Variants in RABIF observed in about 807,000 individuals in gnomAD.
The protein encoded by RABIF is RAB interacting factor.
A neutral mutation model predicts 12.3 loss-of-function variants in RABIF; 13 were observed. That is an observed-to-expected ratio of 1.06 (90% CI 0.69 to 1.68). The LOEUF (loss-of-function observed/expected upper bound fraction) is 1.68. Among genes scored for constraint, RABIF ranks in the 40% most tolerant of loss-of-function variants. RABIF has a pLI of 0.00. For missense variants in RABIF, 153 were observed against 158.0 expected (o/e 0.97, Z 0.17); for synonymous variants, 70 against 63.3 (o/e 1.11, Z -0.50).
intron 1 of RABIF, among the ~76,000 whole-genome samples, chr1:202,882,030 T>C (rs1659498239): frequency 6.6e-6 from 1 of 152,242 alleles, no homozygotes; most frequent in East Asian, 1.9e-4. Context: ...ATATTTTAAA[T>C]GCACATTAGC....
intron 1 of RABIF, among the ~76,000 whole-genome samples, chr1:202,887,033 T>G (rs554083906): frequency 6.0e-5 from 9 of 151,242 alleles, no homozygotes; most frequent in East Asian, 3.9e-4. Context: ...TGTTTTGTTT[T>G]TTTTTTTTTT....
At chr1:202,881,765 A>G (rs1659495247) in intron 1 of RABIF, among the ~76,000 whole-genome samples, 1 of 152,188 alleles carries the variant, frequency 6.6e-6, no homozygotes, top group Non-Finnish European at 1.5e-5. Flanking sequence ...GCTGTCCTCA[A>G]CATGGGCCCC....
In RABIF at chr1:202,880,663, G is replaced by A; in HGVS notation, c.*315C>T. ...GCTCTTCTAGAGCAAGAAAAAGCGGGAGCCCCTGGGCAAAACAGAGCCTAG... is the reference window on the plus strand; with the variant it reads ...GCTCTTCTAGAGCAAGAAAAAGCGGAAGCCCCTGGGCAAAACAGAGCCTAG... On this transcript the variant is annotated 3_prime_UTR_variant, in exon 2 of 2. Coordinates refer to ENST00000367262, the MANE Select transcript of RABIF (RefSeq NM_002871.5). 1 of 1,054,816 alleles carries A rather than the reference G, an allele frequency of 9.5e-7. No individual in the cohort carries two copies. Among genetic ancestry groups the A allele is most frequent in the Non-Finnish European group, 1.2e-6 (1 of 866,596 alleles). The allele number at this position is 1,054,816 out of a possible 1,614,324, so 65.3% of individuals were successfully genotyped here. A position where few individuals can be genotyped will look rare whatever the true frequency, so the allele number is the denominator to read the frequency against.
intron 1 of RABIF, among the ~76,000 whole-genome samples, chr1:202,886,171 TAAG>T (rs1659557644): frequency 7.1e-6 from 1 of 141,254 alleles, no homozygotes; most frequent in African/African-American, 2.6e-5. Flanking sequence ...AAACAAGAAT[TAAG>T]AATTTTGACT....
At position 202,889,116 on chromosome 1, in the gene RABIF, G is replaced by C; in HGVS notation, c.-18C>G. ...GGTTCCATCGCCGCTGCCGCCACAGGCTCCTCAGCCACGGCTGCGCAGACG... is the reference window on the plus strand; with the variant it reads ...GGTTCCATCGCCGCTGCCGCCACAGCCTCCTCAGCCACGGCTGCGCAGACG... On this transcript the variant is annotated 5_prime_UTR_variant, in exon 1 of 2. Coordinates refer to ENST00000367262, the MANE Select transcript of RABIF (RefSeq NM_002871.5). 6.3e-7 allele frequency: 1 copy of C among 1,598,576 alleles called. No homozygotes were observed. Among genetic ancestry groups the C allele is most frequent in the Non-Finnish European group, 8.5e-7 (1 of 1,172,440 alleles).
rs768417552 is a variant in RABIF, at chr1:202,878,859, CAGTT to C, written c.*2115_*2118del. 3 of 152,172 alleles carry C rather than the reference CAGTT, an allele frequency of 2.0e-5. No homozygotes were observed. The highest frequency in any genetic ancestry group is 4.8e-5 in the African/African-American group (2 of 41,438). 9.4% of individuals were successfully genotyped at this position (152,172 alleles called of 1,614,324 possible). A position where few individuals can be genotyped will look rare whatever the true frequency, so the allele number is the denominator to read the frequency against. Reference sequence around the variant, plus strand: ...TGCATTTTATAGCTGACTAGATAATCAGTTGGTTGACCTTAAGCTAAACCCCAAG... The same window carrying C: ...TGCATTTTATAGCTGACTAGATAATCGGTTGACCTTAAGCTAAACCCCAAG... On this transcript the variant is annotated 3_prime_UTR_variant, in exon 2 of 2. Coordinates refer to ENST00000367262, the MANE Select transcript of RABIF (RefSeq NM_002871.5).
intron 1 of RABIF, among the ~76,000 whole-genome samples, chr1:202,884,811 A>G (rs1659535912): frequency 6.6e-6 from 1 of 152,130 alleles, no homozygotes; most frequent in African/African-American, 2.4e-5. Flanking sequence ...CGGGCCGGGC[A>G]CAGTGGCTCA....
intron 1 of RABIF, among the ~76,000 whole-genome samples, chr1:202,882,497 A>C (rs1659505187): frequency 6.6e-6 from 1 of 152,244 alleles, no homozygotes; most frequent in African/African-American, 2.4e-5. Context: ...TTGAGACTAC[A>C]GTGAGCCAAG....
At chr1:202,888,179 A>C (rs950777476) in intron 1 of RABIF, among the ~76,000 whole-genome samples, 2 of 152,222 alleles carry the variant, frequency 1.3e-5, no homozygotes, top group African/African-American at 4.8e-5. Flanking sequence ...GGATGTGTCT[A>C]TGGTTGAAAT....
chr1:202,888,655 C>A, intron 1 of RABIF, among the ~76,000 whole-genome samples: 1 of 152,202 alleles, frequency 6.6e-6, no homozygotes, highest in East Asian at 1.9e-4. Flanking sequence ...GCCCGCGGAG[C>A]ACCGGCCTTG....
At chr1:202,881,660 G>A (rs1557978414) in intron 1 of RABIF, among the ~76,000 whole-genome samples, 1 of 152,284 alleles carries the variant, frequency 6.6e-6, no homozygotes, top group Admixed American at 6.5e-5. Context: ...GCCTGCCTCG[G>A]CCTCCCGAAG....
chr1:202,880,969 T>TC lies in RABIF; in HGVS notation c.*8dup. The TC allele has an allele frequency of 6.2e-7, 1 of 1,613,248 alleles. No homozygotes were observed. Among genetic ancestry groups the TC allele is most frequent in the Non-Finnish European group, 8.5e-7 (1 of 1,179,238 alleles). On this transcript the variant is annotated 3_prime_UTR_variant, in exon 2 of 2. Coordinates refer to ENST00000367262, the MANE Select transcript of RABIF (RefSeq NM_002871.5). ...CTTTGGAGATGGAGCTGAGTACCCC[T>TC]CCCCTCAGTTACTCATGGGAAACTC...
At chr1:202,882,386 AAAC>A (rs1041439069) in intron 1 of RABIF, among the ~76,000 whole-genome samples, 5 of 152,082 alleles carry the variant, frequency 3.3e-5, no homozygotes, top group East Asian at 1.9e-4. Context: ...TCTGTCTCAA[AAAC>A]AACAACAACA....
At chr1:202,884,542 C>T (rs576836298) in intron 1 of RABIF, among the ~76,000 whole-genome samples, 1 of 152,190 alleles carries the variant, frequency 6.6e-6, no homozygotes, top group South Asian at 2.1e-4. Context: ...GACACTTGTG[C>T]GGGGAGCCTT....
chr1:202,881,326 C>CA lies in RABIF; in HGVS notation c.127-104dup, dbSNP rs199560929. 1.6e-3 allele frequency: 2,297 copies of CA among 1,449,034 alleles called. 34 individuals are homozygous for CA. The African/African-American group carries it at 0.029, about 18-fold the overall frequency. The allele number at this position is 1,449,034 out of a possible 1,614,324, so 89.8% of individuals were successfully genotyped here. On this transcript the variant is annotated intron_variant, in intron 1 of 1. Transcript: ENST00000367262. ...TCACATTGCTCCCTAGCAGGAATGA[C>CA]AAAAAAAGAGAAGCCCTCTCATTAA...
In RABIF at chr1:202,884,334, C is replaced by T. The variant is rs79928422; in HGVS notation, c.127-3111G>A. The stretch of plus-strand genomic sequence containing the variant: ...ACAATACAGAGTACACTTCTGTTAA[C>T]TTTTTCGTAATCTTTTTCCCTTCTG... On this transcript the variant is annotated intron_variant, in intron 1 of 1. Coordinates refer to ENST00000367262, the MANE Select transcript of RABIF (RefSeq NM_002871.5). Among the ~76,000 whole-genome samples, 517 of 152,276 alleles carry T rather than the reference C, an allele frequency of 3.4e-3. 3 individuals carry two copies. The highest frequency in any genetic ancestry group is 0.012 in the African/African-American group (496 of 41,574).
At chr1:202,887,701 G>A (rs1369672497) in intron 1 of RABIF, among the ~76,000 whole-genome samples, 3 of 151,310 alleles carry the variant, frequency 2.0e-5, no homozygotes, top group African/African-American at 7.3e-5. Flanking sequence ...ATGGGGTTTT[G>A]CCATGTTGGC....
At position 202,880,846 on chromosome 1, in the gene RABIF, G is replaced by C; in HGVS notation, c.*132C>G. On this transcript the variant is annotated 3_prime_UTR_variant, in exon 2 of 2. Coordinates refer to ENST00000367262, the MANE Select transcript of RABIF (RefSeq NM_002871.5). Reference sequence around the variant, plus strand: ...GGATTAACCCTCTGCATGTTCAAATGGACATGCTGGTACTCAGTATTTATA... The same window carrying C: ...GGATTAACCCTCTGCATGTTCAAATCGACATGCTGGTACTCAGTATTTATA... The C allele has an allele frequency of 1.3e-6, 2 of 1,488,872 alleles. No individual in the cohort carries two copies. Among genetic ancestry groups the C allele is most frequent in the Admixed American group, 4.6e-5 (2 of 43,172 alleles). The allele number at this position is 1,488,872 out of a possible 1,614,324, so 92.2% of individuals were successfully genotyped here.
intron 1 of RABIF, among the ~76,000 whole-genome samples, chr1:202,884,087 T>C (rs1659527026): frequency 6.6e-6 from 1 of 152,192 alleles, no homozygotes; most frequent in South Asian, 2.1e-4. Context: ...GTGAGATCTC[T>C]GACCAGATGG....
Sources: gnomAD v4.1 joint callset for allele counts (sites outside exome capture counted in the v4.1 genomes callset) on GRCh38, gnomAD v4.1.1 for gene constraint, MANE v1.5 for transcripts, NCBI Gene and HGNC (gene_info 2026-07-23, HGNC 2026-07-21) for gene names.